Variants in RILPL1 observed in about 807,000 individuals in gnomAD.
RILPL1 encodes the protein Rab interacting lysosomal protein like 1, also known as RILP-like protein 1.
RILPL1 carries 33 observed loss-of-function variants against 50.3 expected under a neutral mutation model. The observed-to-expected ratio is 0.66, with a 90% CI of 0.50 to 0.88. The LOEUF (loss-of-function observed/expected upper bound fraction) is 0.88. Ranked by LOEUF, RILPL1 falls within the 40% of genes least tolerant of loss-of-function variation. The pLI, the probability that RILPL1 is intolerant of heterozygous loss-of-function variation, is 0.00. For missense variants in RILPL1, 418 were observed against 542.5 expected (o/e 0.77, Z 2.28); for synonymous variants, 205 against 228.6 (o/e 0.90, Z 0.93).
intron 4 of RILPL1, among the ~76,000 whole-genome samples, chr12:123,486,013 G>A (rs778291831): frequency 1.2e-4 from 18 of 152,038 alleles, no homozygotes; most frequent in Non-Finnish European, 2.6e-4. Flanking sequence ...TTCATTGTTC[G>A]CCTTCCCAAT....
intron 2 of RILPL1, among the ~76,000 whole-genome samples, chr12:123,514,933 CTTTT>C (rs57468238): frequency 6.9e-6 from 1 of 145,198 alleles, no homozygotes; most frequent in African/African-American, 2.5e-5. Flanking sequence ...TACATAAATA[CTTTT>C]TTTTTTTTTA....
At chr12:123,512,441 T>C (rs1884379320) in intron 2 of RILPL1, among the ~76,000 whole-genome samples, 1 of 135,048 alleles carries the variant, frequency 7.4e-6, no homozygotes, top group African/African-American at 2.9e-5. Context: ...TCTGTGTGTG[T>C]GGTGTGTGAG....
chr12:123,519,743 G>T (rs538562900), intron 2 of RILPL1: 2 of 152,214 alleles, frequency 1.3e-5, no homozygotes, highest in African/African-American at 4.8e-5. Flanking sequence ...ACCACGAAAG[G>T]CATGCCTGGC....
intron 1 of RILPL1, among the ~76,000 whole-genome samples, chr12:123,530,200 C>CT (rs1885398871): frequency 6.6e-6 from 1 of 152,182 alleles, no homozygotes; most frequent in African/African-American, 2.4e-5. Flanking sequence ...GAGTCTCACT[C>CT]TGTCACCCAG....
intron 2 of RILPL1, among the ~76,000 whole-genome samples, chr12:123,512,572 G>GGTA (rs2139367611): frequency 6.9e-6 from 1 of 144,506 alleles, no homozygotes; most frequent in Non-Finnish European, 1.5e-5. Flanking sequence ...GTCTGTATGT[G>GGTA]TGTGAGGTCT....
intron 6 of RILPL1, among the ~76,000 whole-genome samples, chr12:123,478,448 C>T (rs1881743743): frequency 6.6e-6 from 1 of 152,054 alleles, no homozygotes; most frequent in African/African-American, 2.4e-5. Flanking sequence ...CTTGAATATC[C>T]TGTAGCTGGT....
chr12:123,506,038 A>G (rs1883724889), intron 2 of RILPL1, among the ~76,000 whole-genome samples: 1 of 152,216 alleles, frequency 6.6e-6, no homozygotes, highest in African/African-American at 2.4e-5. Flanking sequence ...GATGTCAGAC[A>G]GGCACGTGCC....
rs1042019231 is a variant in RILPL1, at chr12:123,498,038, A to T, written c.801+506T>A. ...ATGTCTGTATTTTGCTCGCTATTTTATCCTCTGGGCCGGCTACACAGTCAA... is the reference window on the plus strand; with the variant it reads ...ATGTCTGTATTTTGCTCGCTATTTTTTCCTCTGGGCCGGCTACACAGTCAA... On this transcript the variant is annotated intron_variant, in intron 4 of 6. Coordinates refer to ENST00000376874, the MANE Select transcript of RILPL1 (RefSeq NM_178314.5). The surrounding 1 kb of genome is among the most constrained non-coding windows in gnomAD (Gnocchi z 4.3). Among the ~76,000 whole-genome samples, 4 of 152,068 alleles carry T rather than the reference A, an allele frequency of 2.6e-5. No homozygotes were observed. The highest frequency in any genetic ancestry group is 9.7e-5 in the African/African-American group (4 of 41,398).
intron 2 of RILPL1, among the ~76,000 whole-genome samples, chr12:123,518,965 G>A (rs1031259004): frequency 1.3e-5 from 2 of 148,412 alleles, no homozygotes; most frequent in Non-Finnish European, 2.9e-5. Flanking sequence ...GCTGAGGCAG[G>A]AGAATCACTT....
chr12:123,480,635 T>G (rs1188878397), intron 6 of RILPL1, among the ~76,000 whole-genome samples: 1 of 151,930 alleles, frequency 6.6e-6, no homozygotes, highest in Non-Finnish European at 1.5e-5. Context: ...CAAGATAGAT[T>G]CTGCTCATCC....
At chr12:123,515,588 T>G (rs1407579894) in intron 2 of RILPL1, 1 of 152,008 alleles carries the variant, frequency 6.6e-6, no homozygotes, top group African/African-American at 2.4e-5. Flanking sequence ...TAGCTGGAAT[T>G]ACAGGTGCCC....
At chr12:123,523,345 T>A (rs1303512241) in intron 2 of RILPL1, 150 bp downstream of exon 2, 3 of 851,886 alleles carry the variant, frequency 3.5e-6, no homozygotes, top group Non-Finnish European at 5.5e-6. Flanking sequence ...GGCAGGGTTA[T>A]GGTGCAAATC....
intron 2 of RILPL1, among the ~76,000 whole-genome samples, chr12:123,517,570 C>T (rs867041158): frequency 6.6e-6 from 1 of 151,726 alleles, no homozygotes; most frequent in Non-Finnish European, 1.5e-5. Context: ...TACAGGTGCA[C>T]GCCACCACAC....
At chr12:123,487,941 T>A (rs1424902978) in intron 4 of RILPL1, among the ~76,000 whole-genome samples, 1 of 152,208 alleles carries the variant, frequency 6.6e-6, no homozygotes, top group Non-Finnish European at 1.5e-5. Context: ...ATTTTCCTTT[T>A]TTTTCTTAAT....
intron 6 of RILPL1, among the ~76,000 whole-genome samples, chr12:123,483,137 A>C (rs916903890): frequency 6.6e-6 from 1 of 152,184 alleles, no homozygotes; most frequent in Non-Finnish European, 1.5e-5. Flanking sequence ...AAAGAACTGA[A>C]ACCTCTTCTG....
intron 2 of RILPL1, among the ~76,000 whole-genome samples, chr12:123,511,515 A>G (rs1593584267): frequency 3.7e-5 from 3 of 80,292 alleles, no homozygotes; most frequent in South Asian, 4.4e-4. Flanking sequence ...GGTGTGTCTG[A>G]GGTCTGTGTG....
At chr12:123,490,717 C>A (rs1269686802) in intron 4 of RILPL1, among the ~76,000 whole-genome samples, 2 of 151,216 alleles carry the variant, frequency 1.3e-5, no homozygotes, top group Non-Finnish European at 2.9e-5. Flanking sequence ...GGATTACAGG[C>A]GTGAGCCATT....
chr12:123,505,239 C>T (rs1883664432), intron 2 of RILPL1, among the ~76,000 whole-genome samples: 1 of 152,118 alleles, frequency 6.6e-6, no homozygotes. Context: ...ACCATGTTGG[C>T]CAGGCTGGTC....
chr12:123,514,706 G>A (rs550030217), intron 2 of RILPL1, among the ~76,000 whole-genome samples: 22 of 152,176 alleles, frequency 1.4e-4, no homozygotes, highest in African/African-American at 5.3e-4. Flanking sequence ...AATTACAGGT[G>A]TGAGCCACCG....
Sources: gnomAD v4.1 joint callset for allele counts (sites outside exome capture counted in the v4.1 genomes callset) on GRCh38, gnomAD v4.1.1 for gene constraint, Gnocchi (gnomAD v3.1) non-coding constraint, MANE v1.5 for transcripts, NCBI Gene and HGNC (gene_info 2026-07-23, HGNC 2026-07-21) for gene names.